ZBTB8OS: variants seen among roughly 807,000 people sequenced by gnomAD.
ZBTB8OS encodes the protein tRNA splicing ligase complex subunit 1.
Under a neutral mutation model 29.3 loss-of-function variants are expected in ZBTB8OS, and 16 were observed. That is an observed-to-expected ratio of 0.55 (90% CI 0.37 to 0.83). The LOEUF (loss-of-function observed/expected upper bound fraction) is 0.83. ZBTB8OS is among the 40% of genes least tolerant of loss of function. ZBTB8OS has a pLI of 0.00. For missense variants in ZBTB8OS, 160 were observed against 196.9 expected (o/e 0.81, Z 1.12); for synonymous variants, 70 against 64.6 (o/e 1.08, Z -0.40).
At position 32,636,007 on chromosome 1, in the gene ZBTB8OS, C is replaced by T. The variant is rs147090485; in HGVS notation, c.98-1215G>A. ...CAAATTGCTCTCGTGGATAACATCA[C>T]TATTGTAAAACCTAAGATCAGTACT... On this transcript the variant is annotated intron_variant, in intron 1 of 6. Coordinates refer to ENST00000468695, the MANE Select transcript of ZBTB8OS (RefSeq NM_178547.5). Among the ~76,000 whole-genome samples, 3 of 152,268 alleles carry T rather than the reference C, an allele frequency of 2.0e-5. No individual in the cohort carries two copies. In the East Asian group the frequency reaches 5.8e-4, roughly 29 times the overall value.
chr1:32,636,094 C>T (rs1338540335), intron 1 of ZBTB8OS, among the ~76,000 whole-genome samples: 3 of 152,132 alleles, frequency 2.0e-5, no homozygotes, highest in African/African-American at 4.8e-5. Flanking sequence ...CTGGCTCAAC[C>T]AGTTTTGCCA....
At position 32,634,763 on chromosome 1, in the gene ZBTB8OS, C is replaced by T. The variant is rs1645826686; in HGVS notation, c.122+5G>A. The T allele has an allele frequency of 6.2e-7, 1 of 1,613,922 alleles. No individual in the cohort carries two copies. The highest frequency in any genetic ancestry group is 1.3e-5 in the African/African-American group (1 of 75,042). The stretch of plus-strand genomic sequence containing the variant: ...TTCAAAGGAATGAACTCCCGCTATA[C>T]TCACTGGACATCTGCTGTATGATCC... On this transcript the variant is annotated splice_donor_5th_base_variant and intron_variant, in intron 2 of 6. Transcript: ENST00000468695.
intron 1 of ZBTB8OS, among the ~76,000 whole-genome samples, chr1:32,643,319 C>G (rs1481855335): frequency 6.6e-6 from 1 of 151,850 alleles, no homozygotes; most frequent in African/African-American, 2.4e-5. Context: ...GTGATTCACC[C>G]GCCTTGGCCT....
At chr1:32,625,302 G>T (rs1645041857) in intron 6 of ZBTB8OS, among the ~76,000 whole-genome samples, 1 of 151,864 alleles carries the variant, frequency 6.6e-6, no homozygotes, top group Non-Finnish European at 1.5e-5. Flanking sequence ...GGAGGCTGAG[G>T]TAGGTAAATC....
chr1:32,649,395 T>G (rs1647107525), intron 1 of ZBTB8OS, among the ~76,000 whole-genome samples: 1 of 151,980 alleles, frequency 6.6e-6, no homozygotes, highest in South Asian at 2.1e-4. Flanking sequence ...CAATGAGAAA[T>G]TAATGAAAGA....
At chr1:32,636,837 C>T (rs74064310) in intron 1 of ZBTB8OS, among the ~76,000 whole-genome samples, 1,631 of 151,938 alleles carry the variant, frequency 0.011, 39 homozygotes, top group African/African-American at 0.037. Context: ...CTTATGTAGG[C>T]CCCCAAATTT....
At chr1:32,641,010 C>CAAAAAAAAAAAAAAAAA (rs530189429) in intron 1 of ZBTB8OS, among the ~76,000 whole-genome samples, 8 of 104,760 alleles carry the variant, frequency 7.6e-5, no homozygotes, top group African/African-American at 2.7e-4. Flanking sequence ...ACTAAAAATA[C>CAAAAAAAAAAAAAAAAA]AAAAAAAAAA....
chr1:32,640,255 C>T (rs533443485), intron 1 of ZBTB8OS, among the ~76,000 whole-genome samples: 1 of 152,186 alleles, frequency 6.6e-6, no homozygotes, highest in South Asian at 2.1e-4. Flanking sequence ...CGCCACCACG[C>T]CTGGCTAATT....
At chr1:32,650,338 T>C in intron 1 of ZBTB8OS, 95 bp downstream of exon 1, 4 of 1,501,380 alleles carry the variant, frequency 2.7e-6, no homozygotes, top group African/African-American at 1.4e-5. Context: ...GAAGTACCCA[T>C]GGGGCACAGT....
rs1250652305 is a variant in ZBTB8OS, at chr1:32,621,833, T to C, written c.*29A>G. ...AGGAAGAGGAAAACAAAAACAGTTC[T>C]TCGTAGGAGTCTTTTATTTTTTGGT... is the stretch of plus-strand genomic sequence containing the variant. On this transcript the variant is annotated 3_prime_UTR_variant, in exon 7 of 7. Coordinates refer to ENST00000468695, the MANE Select transcript of ZBTB8OS (RefSeq NM_178547.5). 2.0e-6 allele frequency: 3 copies of C among 1,473,530 alleles called. No homozygotes were observed. The highest frequency in any genetic ancestry group is 2.8e-6 in the Non-Finnish European group (3 of 1,079,102). 91.3% of individuals were successfully genotyped at this position (1,473,530 alleles called of 1,614,324 possible).
intron 5 of ZBTB8OS, among the ~76,000 whole-genome samples, chr1:32,630,683 C>T (rs1645477899): frequency 6.6e-6 from 1 of 151,914 alleles, no homozygotes; most frequent in African/African-American, 2.4e-5. Flanking sequence ...TTGAGGATGC[C>T]TGGGCAACAT....
chr1:32,634,886 T>G (rs1645837907), intron 1 of ZBTB8OS, 94 bp from the exon 2 acceptor site: 9 of 911,454 alleles, frequency 9.9e-6, no homozygotes, highest in South Asian at 7.8e-5. Flanking sequence ...ATTAGGAATA[T>G]CATCTTTAAA....
At chr1:32,650,735 C>T (rs16835066), upstream of ZBTB8OS, 23 of 799,174 alleles carry the variant, frequency 2.9e-5, no homozygotes, top group East Asian at 6.1e-4. Flanking sequence ...TTCTGCGATT[C>T]CTTCATTACT....
chr1:32,630,893 ATCTCAGCTAC>A (rs1484031432), intron 5 of ZBTB8OS, among the ~76,000 whole-genome samples: 2 of 151,784 alleles, frequency 1.3e-5, no homozygotes, highest in African/African-American at 4.8e-5. Flanking sequence ...GGCGCGTATA[ATCTCAGCTAC>A]TCGGGAGGCT....
intron 1 of ZBTB8OS, among the ~76,000 whole-genome samples, chr1:32,650,108 GA>G (rs756722237): frequency 2.5e-4 from 38 of 152,160 alleles, no homozygotes; most frequent in Non-Finnish European, 4.7e-4. Flanking sequence ...TCACCGTTGG[GA>G]AATACATGGG....
intron 4 of ZBTB8OS, 186 bp downstream of exon 4, chr1:32,633,459 T>C (rs1299736548): frequency 1.9e-6 from 1 of 531,514 alleles, no homozygotes; most frequent in Non-Finnish European, 3.4e-6. Flanking sequence ...ATACGAAATG[T>C]TCCCACATAG....
chr1:32,643,907 C>G, intron 1 of ZBTB8OS, among the ~76,000 whole-genome samples: 1 of 151,796 alleles, frequency 6.6e-6, no homozygotes, highest in Middle Eastern at 3.4e-3. Context: ...CCACCTTGGC[C>G]TTGTTGTACC....
At chr1:32,649,633 AACACACACACAC>A (rs962422171) in intron 1 of ZBTB8OS, among the ~76,000 whole-genome samples, 7 of 54,118 alleles carry the variant, frequency 1.3e-4, no homozygotes, top group Admixed American at 6.2e-4. Flanking sequence ...CATCTCTAAA[AACACACACACAC>A]ACACACACAC....
At chr1:32,634,112 T>C in intron 2 of ZBTB8OS, 40 bp from the exon 3 acceptor site, 5 of 1,374,886 alleles carry the variant, frequency 3.6e-6, no homozygotes, top group Non-Finnish European at 4.7e-6. Context: ...TACAATCCAC[T>C]GCAAGAAAGA....
Sources: allele counts gnomAD v4.1 joint callset (sites outside exome capture counted in the v4.1 genomes callset), GRCh38; gene constraint gnomAD v4.1.1; transcripts MANE v1.5; gene names NCBI Gene and HGNC (gene_info 2026-07-23, HGNC 2026-07-21).